NT5C2: variants seen among roughly 807,000 people sequenced by gnomAD.
NT5C2 encodes 5'-nucleotidase, cytosolic II.
In NT5C2, 58 loss-of-function variants were observed where a neutral mutation model predicts 76.1. The observed-to-expected ratio is 0.76, with a 90% confidence interval of 0.62 to 0.95. NT5C2 has a LOEUF of 0.95. NT5C2 is among the 40% of genes least tolerant of loss of function. The pLI is 0.00. For synonymous variants in NT5C2, 229 were observed against 237.4 expected (o/e 0.96, Z 0.32); for missense variants, 478 against 690.3 (o/e 0.69, Z 3.45).
At position 103,170,468 on chromosome 10, in the gene NT5C2, G is replaced by GT. The variant is rs1213229036; in HGVS notation, c.101+4389dup. On this transcript the variant is annotated intron_variant, in intron 3 of 18. Transcript: ENST00000404739. ...TTCCAGGAAATACCATTCCAAATGA[G>GT]TTAGGAGTATACTCATTCAGGCTAT... is the stretch of plus-strand genomic sequence containing the variant. 5.3e-5 allele frequency among the ~76,000 whole-genome samples: 8 copies of GT among 150,620 alleles called. No individual in the cohort carries two copies. In the South Asian group the frequency reaches 1.3e-3, roughly 24 times the overall value.
intron 3 of NT5C2, among the ~76,000 whole-genome samples, chr10:103,157,630 C>G (rs1036267715): frequency 6.6e-6 from 1 of 152,148 alleles, no homozygotes; most frequent in Admixed American, 6.6e-5. Flanking sequence ...TCAACATCAG[C>G]AGAATACACA....
chr10:103,114,074 A>T (rs750575463), intron 4 of NT5C2, among the ~76,000 whole-genome samples: 19 of 152,236 alleles, frequency 1.2e-4, no homozygotes, highest in Non-Finnish European at 2.1e-4. Context: ...CAATTGCGTG[A>T]TAACAGCCAA....
chr10:103,184,711 T>A (rs902074573), intron 1 of NT5C2, among the ~76,000 whole-genome samples: 2 of 152,224 alleles, frequency 1.3e-5, no homozygotes, highest in African/African-American at 2.4e-5. Flanking sequence ...TCTAAATGAA[T>A]CTTTGTGAAA....
chr10:103,140,561 G>T (rs759585650), intron 3 of NT5C2, among the ~76,000 whole-genome samples: 1 of 152,158 alleles, frequency 6.6e-6, no homozygotes, highest in East Asian at 1.9e-4. Flanking sequence ...CATACAACTA[G>T]AAGAACTGCT....
intron 2 of NT5C2, 44 bp from the exon 3 acceptor site, chr10:103,175,026 T>C: frequency 1.8e-6 from 2 of 1,093,590 alleles, no homozygotes; most frequent in Admixed American, 1.9e-5. Flanking sequence ...TATTGGCATC[T>C]GTATACTGAC....
chr10:103,095,847 G>T, intron 12 of NT5C2, 92 bp downstream of exon 12: 1 of 1,187,942 alleles, frequency 8.4e-7, no homozygotes, highest in Non-Finnish European at 1.2e-6. Context: ...TTCTGGGTGG[G>T]TTCTGACCAA....
intron 3 of NT5C2, among the ~76,000 whole-genome samples, chr10:103,159,308 A>C (rs1300875395): frequency 6.6e-6 from 1 of 151,732 alleles, no homozygotes; most frequent in Non-Finnish European, 1.5e-5. Flanking sequence ...GAGCTAATAA[A>C]CAAGTTCAGC....
intron 3 of NT5C2, among the ~76,000 whole-genome samples, chr10:103,166,747 AG>A (rs995264379): frequency 7.3e-5 from 11 of 150,716 alleles, no homozygotes; most frequent in Admixed American, 7.3e-4. Flanking sequence ...CAAACTCCCA[AG>A]TTCAAGTGAT....
At chr10:103,117,133 C>G (rs2074535110) in intron 4 of NT5C2, among the ~76,000 whole-genome samples, 1 of 151,996 alleles carries the variant, frequency 6.6e-6, no homozygotes, top group African/African-American at 2.4e-5. Context: ...GTTAAAGAAA[C>G]AAACTACAAA....
At chr10:103,127,163 A>G (rs1458706432) in intron 4 of NT5C2, among the ~76,000 whole-genome samples, 1 of 152,218 alleles carries the variant, frequency 6.6e-6, no homozygotes, top group Non-Finnish European at 1.5e-5. Flanking sequence ...ATTAATGTAC[A>G]TAATCTCATT....
In NT5C2 at chr10:103,099,918, C is replaced by T; in HGVS notation, c.633+8G>A. The T allele has an allele frequency of 6.3e-7, 1 of 1,584,884 alleles. No individual in the cohort carries two copies. Among genetic ancestry groups the T allele is most frequent in the Non-Finnish European group, 8.7e-7 (1 of 1,153,976 alleles). ...AAGCAAGCAGGTGAAGAAACAGCTT[C>T]TAGGTACCTTGTAATGAACCCAGTC... On this transcript the variant is annotated splice_region_variant and intron_variant, in intron 9 of 18. Transcript: ENST00000404739.
chr10:103,103,819 A>T (rs1299390965), intron 6 of NT5C2, among the ~76,000 whole-genome samples: 1 of 151,836 alleles, frequency 6.6e-6, no homozygotes, highest in Non-Finnish European at 1.5e-5. Flanking sequence ...CTCTATCTTC[A>T]GTCTCTTCTT....
chr10:103,176,328 G>C (rs972301819), intron 2 of NT5C2, among the ~76,000 whole-genome samples: 1 of 152,120 alleles, frequency 6.6e-6, no homozygotes, highest in Admixed American at 6.6e-5. Context: ...GATGTAAAAT[G>C]CTCCTCGCCT....
chr10:103,185,872 T>A (rs1192717472), intron 1 of NT5C2, among the ~76,000 whole-genome samples: 1 of 152,172 alleles, frequency 6.6e-6, no homozygotes, highest in Non-Finnish European at 1.5e-5. Context: ...TACTTAAGGT[T>A]TAGTCCACCT....
chr10:103,143,584 G>A (rs142269191), intron 3 of NT5C2, among the ~76,000 whole-genome samples: 15 of 140,644 alleles, frequency 1.1e-4, no homozygotes, highest in East Asian at 8.4e-4. Context: ...CCACAGGTAC[G>A]CACCACCATG....
At chr10:103,112,921 T>C (rs1176898738) in intron 4 of NT5C2, among the ~76,000 whole-genome samples, 1 of 152,176 alleles carries the variant, frequency 6.6e-6, no homozygotes, top group Non-Finnish European at 1.5e-5. Context: ...TTTCCAATTA[T>C]CATATAAACA....
chr10:103,128,959 C>T (rs918445050), intron 4 of NT5C2, among the ~76,000 whole-genome samples: 1 of 109,260 alleles, frequency 9.2e-6, no homozygotes, highest in Admixed American at 8.7e-5. Flanking sequence ...GCAGCCACCC[C>T]GTCCGGGAGG....
At chr10:103,176,099 T>C (rs1270782410) in intron 2 of NT5C2, 2 of 169,932 alleles carry the variant, frequency 1.2e-5, no homozygotes, top group Non-Finnish European at 2.6e-5. Flanking sequence ...AATGAGGAGC[T>C]AGGTGGGGGC....
At chr10:103,179,958 G>A (rs1472993947) in intron 2 of NT5C2, among the ~76,000 whole-genome samples, 1 of 152,036 alleles carries the variant, frequency 6.6e-6, no homozygotes, top group Admixed American at 6.6e-5. Context: ...AGTATTGAGA[G>A]GAAAAAGACA....
Sources: gnomAD v4.1 joint callset for allele counts (sites outside exome capture counted in the v4.1 genomes callset) on GRCh38, gnomAD v4.1.1 for gene constraint, MANE v1.5 for transcripts, NCBI Gene and HGNC (gene_info 2026-07-23, HGNC 2026-07-21) for gene names.